The following IGSF3 variants were observed in gnomAD, a reference collection of about 807,000 sequenced individuals.
The protein encoded by IGSF3 is glu-Trp-Ile EWI motif-containing protein 3.
IGSF3 carries 23 observed loss-of-function variants against 114.4 expected under a neutral mutation model. The ratio of observed to expected loss-of-function variants is 0.20; its 90% confidence interval spans 0.14 to 0.28. The LOEUF (loss-of-function observed/expected upper bound fraction) is 0.28. IGSF3 is among the 10% of genes least tolerant of loss of function. The pLI, the probability that IGSF3 is intolerant of heterozygous loss-of-function variation, is 1.00. For synonymous variants in IGSF3, 571 were observed against 645.2 expected (o/e 0.88, Z 1.74); for missense variants, 1,172 against 1,591.5 (o/e 0.74, Z 4.48).
chr1:116,653,799 C>A (rs1184473513), intron 2 of IGSF3, among the ~76,000 whole-genome samples: 1 of 152,180 alleles, frequency 6.6e-6, no homozygotes, highest in East Asian at 1.9e-4. Flanking sequence ...TCTAGAAGTG[C>A]ACAGTTCAGA....
rs1366452890 is a variant in IGSF3 at position 116,615,819 on chromosome 1, C to A, written c.421+261G>T. On this transcript the variant is annotated intron_variant, in intron 3 of 10. Coordinates refer to ENST00000369486, the MANE Select transcript of IGSF3 (RefSeq NM_001007237.3). The surrounding 1 kb of genome is among the most constrained non-coding windows in gnomAD (Gnocchi z 4.3). ...ATCCTTGCCTTATATTTTCATATCC[C>A]TTTTCACCAGTTACAGGGTTAGTTA... Among the ~76,000 whole-genome samples, 1 of 152,236 alleles carries A rather than the reference C, an allele frequency of 6.6e-6. No individual in the cohort carries two copies. The highest frequency in any genetic ancestry group is 1.5e-5 in the Non-Finnish European group (1 of 68,040).
In IGSF3 at chr1:116,616,502, G is replaced by C; in HGVS notation, c.44-45C>G. 1.3e-6 allele frequency: 2 copies of C among 1,531,120 alleles called. No homozygotes were observed. Among genetic ancestry groups the C allele is most frequent in the South Asian group, 1.3e-5 (1 of 78,854 alleles). 94.8% of individuals were successfully genotyped at this position (1,531,120 alleles called of 1,614,324 possible). ...ACACAACATGCTTACTTACTTCTCA[G>C]ACCAAAATGCAAAGTAGCCAGCAAT... On this transcript the variant is annotated intron_variant, in intron 2 of 10. Transcript: ENST00000369486. This position sits in a 1 kb window ranked among gnomAD's most constrained non-coding sequence, Gnocchi z 6.6.
In IGSF3 at chr1:116,664,426, G is replaced by A. The variant is rs1165973220; in HGVS notation, c.43+1858C>T. ...CTTGAGCAGCCAGAAGAAACAAAAG[G>A]CACAAATGTCACATTGCCTTGTTTT... is the stretch of plus-strand genomic sequence containing the variant. On this transcript the variant is annotated intron_variant, in intron 2 of 10. Transcript: ENST00000369486. The surrounding 1 kb of genome is among the most constrained non-coding windows in gnomAD (Gnocchi z 4.6). 1.3e-5 allele frequency among the ~76,000 whole-genome samples: 2 copies of A among 152,134 alleles called. No homozygotes were observed. The highest frequency in any genetic ancestry group is 2.9e-5 in the Non-Finnish European group (2 of 68,042).
Position 116,593,932 on chromosome 1 carries a change from C to T in IGSF3, c.2030-4828G>A, listed in dbSNP as rs1426903191. 2.0e-5 allele frequency among the ~76,000 whole-genome samples: 3 copies of T among 152,232 alleles called. No homozygotes were observed. Among genetic ancestry groups the T allele is most frequent in the Admixed American group, 6.5e-5 (1 of 15,286 alleles). On this transcript the variant is annotated intron_variant, in intron 7 of 10. Coordinates refer to ENST00000369486, the MANE Select transcript of IGSF3 (RefSeq NM_001007237.3). This position sits in a 1 kb window ranked among gnomAD's most constrained non-coding sequence, Gnocchi z 4.5. ...AACTCCATGCAACAAAACTCTGCCT[C>T]GTGTCCTGTGTGACTTTCGAATGAC...
rs1201512007 is a variant in IGSF3 at position 116,615,065 on chromosome 1, G to A, written c.422-890C>T. Among the ~76,000 whole-genome samples the A allele has an allele frequency of 5.3e-5, 8 of 152,024 alleles. No homozygotes were observed. Among genetic ancestry groups the A allele is most frequent in the South Asian group, 2.1e-4 (1 of 4,814 alleles). ...TGAGGGAGGCGGATCACCTGAGGTC[G>A]GGAGTTCGAGACCAGCCTGACCAAC... is the stretch of plus-strand genomic sequence containing the variant. On this transcript the variant is annotated intron_variant, in intron 3 of 10. Coordinates refer to ENST00000369486, the MANE Select transcript of IGSF3 (RefSeq NM_001007237.3). This position sits in a 1 kb window ranked among gnomAD's most constrained non-coding sequence, Gnocchi z 4.3.
At chr1:116,599,730 C>T (rs1391835473) in intron 7 of IGSF3, among the ~76,000 whole-genome samples, 2 of 152,276 alleles carry the variant, frequency 1.3e-5, no homozygotes, top group African/African-American at 4.8e-5. Flanking sequence ...AGGAAGAAAA[C>T]AAATGCCGTC....
chr1:116,581,881 CT>C (rs1380500275), intron 9 of IGSF3, among the ~76,000 whole-genome samples: 1 of 152,180 alleles, frequency 6.6e-6, no homozygotes, highest in African/African-American at 2.4e-5. Context: ...CCACCCCATG[CT>C]TTTCTCCTCC....
In IGSF3 at chr1:116,636,328, AT is replaced by A. The variant is rs1647826708; in HGVS notation, c.44-19872del. The stretch of plus-strand genomic sequence containing the variant: ...ATCTCCCCTTTTTGGCCTCAAGCAC[AT>A]CACGAGGAAGGCTGGTGACAACCTT... On this transcript the variant is annotated intron_variant, in intron 2 of 10. Transcript: ENST00000369486. This position sits in a 1 kb window ranked among gnomAD's most constrained non-coding sequence, Gnocchi z 4.5. Among the ~76,000 whole-genome samples the A allele has an allele frequency of 1.3e-5, 2 of 152,182 alleles. No individual in the cohort carries two copies.
intron 7 of IGSF3, among the ~76,000 whole-genome samples, chr1:116,590,861 A>G (rs1660079755): frequency 6.6e-6 from 1 of 152,178 alleles, no homozygotes; most frequent in Non-Finnish European, 1.5e-5. Flanking sequence ...GGAAGGATTT[A>G]GCAAGCCAAG....
rs55953316 is a variant in IGSF3 at position 116,584,195 on chromosome 1, C to CA, written c.2848+449dup. ...TGGGTGACAGAGTGAGACTCCGTTT[C>CA]AAAAAAAAAAAAGTATTGGGAAGTG... On this transcript the variant is annotated intron_variant, in intron 9 of 10. Coordinates refer to ENST00000369486, the MANE Select transcript of IGSF3 (RefSeq NM_001007237.3). The surrounding 1 kb of genome is among the most constrained non-coding windows in gnomAD (Gnocchi z 5.8). Among the ~76,000 whole-genome samples, 19 of 147,388 alleles carry CA rather than the reference C, an allele frequency of 1.3e-4. No individual in the cohort carries two copies. The highest frequency in any genetic ancestry group is 3.5e-3 in the Middle Eastern group (1 of 284).
Position 116,654,699 on chromosome 1 carries a change from T to C in IGSF3, c.43+11585A>G, listed in dbSNP as rs1341986723. 6.6e-6 allele frequency among the ~76,000 whole-genome samples: 1 copy of C among 152,206 alleles called. No homozygotes were observed. On this transcript the variant is annotated intron_variant, in intron 2 of 10. Transcript: ENST00000369486. This position sits in a 1 kb window ranked among gnomAD's most constrained non-coding sequence, Gnocchi z 4.4. Reference sequence around the variant, plus strand: ...GGTGGGAAGTATGTGATTTCTCTATTTCTATTTCTCTTTTGTTTGGGCTTC... The same window carrying C: ...GGTGGGAAGTATGTGATTTCTCTATCTCTATTTCTCTTTTGTTTGGGCTTC...
At position 116,655,679 on chromosome 1, in the gene IGSF3, T is replaced by G. The variant is rs529159149; in HGVS notation, c.43+10605A>C. 6.6e-6 allele frequency among the ~76,000 whole-genome samples: 1 copy of G among 152,226 alleles called. No homozygotes were observed. The highest frequency in any genetic ancestry group is 1.5e-5 in the Non-Finnish European group (1 of 68,016). On this transcript the variant is annotated intron_variant, in intron 2 of 10. Transcript: ENST00000369486. This position sits in a 1 kb window ranked among gnomAD's most constrained non-coding sequence, Gnocchi z 4.3. ...TGGGAATTGAAAACACACGAAAACT[T>G]TTTTTCTGGTCCATGAACAAACAAG...
intron 7 of IGSF3, among the ~76,000 whole-genome samples, chr1:116,599,123 T>G (rs992363808): frequency 2.0e-5 from 3 of 152,104 alleles, no homozygotes; most frequent in African/African-American, 7.2e-5. Flanking sequence ...GACCTTAAGC[T>G]AGTCACTTAA....
intron 2 of IGSF3, among the ~76,000 whole-genome samples, chr1:116,626,970 T>G (rs561531806): frequency 6.6e-6 from 1 of 152,326 alleles, no homozygotes; most frequent in Non-Finnish European, 1.5e-5. Flanking sequence ...TAGAAATGCT[T>G]ATAAGTAAAT....
rs556261437 is a variant in IGSF3 at position 116,584,044 on chromosome 1, C to T, written c.2848+601G>A. ...TCTCTACTAAAAATACACAAATTAGCCGGGTGTGGTGGCATGAGCCTGTAG... is the reference window on the plus strand; with the variant it reads ...TCTCTACTAAAAATACACAAATTAGTCGGGTGTGGTGGCATGAGCCTGTAG... On this transcript the variant is annotated intron_variant, in intron 9 of 10. Coordinates refer to ENST00000369486, the MANE Select transcript of IGSF3 (RefSeq NM_001007237.3). This position sits in a 1 kb window ranked among gnomAD's most constrained non-coding sequence, Gnocchi z 5.8. 6.6e-6 allele frequency among the ~76,000 whole-genome samples: 1 copy of T among 152,144 alleles called. No individual in the cohort carries two copies. Among genetic ancestry groups the T allele is most frequent in the African/African-American group, 2.4e-5 (1 of 41,470 alleles).
chr1:116,587,004 T>C (rs1295934389), intron 8 of IGSF3, among the ~76,000 whole-genome samples: 2 of 151,146 alleles, frequency 1.3e-5, no homozygotes, highest in East Asian at 3.9e-4. Flanking sequence ...CCAGTGAGAA[T>C]CTCTGGAAAT....
In IGSF3 at chr1:116,627,564, ACT is replaced by A. The variant is rs1366630112; in HGVS notation, c.44-11109_44-11108del. 1.2e-4 allele frequency among the ~76,000 whole-genome samples: 19 copies of A among 152,348 alleles called. No individual in the cohort carries two copies. In the Middle Eastern group the frequency reaches 0.014, roughly 109 times the overall value. ...ATGCTCTCACAGCTTCAGGAAGAGG[ACT>A]GCTAAGCCCAGGGCCCTGCTGACAA... is the stretch of plus-strand genomic sequence containing the variant. On this transcript the variant is annotated intron_variant, in intron 2 of 10. Transcript: ENST00000369486. The surrounding 1 kb of genome is among the most constrained non-coding windows in gnomAD (Gnocchi z 4.7).
At chr1:116,639,602 A>G (rs1378985908) in intron 2 of IGSF3, among the ~76,000 whole-genome samples, 5 of 152,260 alleles carry the variant, frequency 3.3e-5, no homozygotes, top group Admixed American at 2.6e-4. Flanking sequence ...AAGAAAATAC[A>G]GTGCCATTGC....
At chr1:116,619,041 A>T (rs1178109979) in intron 2 of IGSF3, among the ~76,000 whole-genome samples, 3 of 152,190 alleles carry the variant, frequency 2.0e-5, no homozygotes, top group Admixed American at 2.0e-4. Context: ...TCCACAGATG[A>T]TTCAAATCAG....
Sources: gnomAD v4.1 joint callset for allele counts (sites outside exome capture counted in the v4.1 genomes callset) on GRCh38, gnomAD v4.1.1 for gene constraint, Gnocchi (gnomAD v3.1) non-coding constraint, MANE v1.5 for transcripts, NCBI Gene and HGNC (gene_info 2026-07-23, HGNC 2026-07-21) for gene names.